Variants in GNG2 observed in about 807,000 individuals in gnomAD.
The protein encoded by GNG2 is guanine nucleotide-binding protein G(I)/G(S)/G(O) subunit gamma-2.
GNG2 carries 5 observed loss-of-function variants against 5.5 expected under a neutral mutation model. The ratio of observed to expected loss-of-function variants is 0.91; its 90% CI spans 0.48 to 1.92. The LOEUF is 1.92. Ranked by LOEUF, GNG2 falls within the 30% of genes most tolerant of loss-of-function variation. GNG2 has a pLI of 0.01. For missense variants in GNG2, 55 were observed against 88.4 expected (o/e 0.62, Z 1.52); for synonymous variants, 28 against 32.0 (o/e 0.88, Z 0.42).
At chr14:51,894,354 T>C (rs1463002318) in intron 2 of GNG2, among the ~76,000 whole-genome samples, 2 of 151,274 alleles carry the variant, frequency 1.3e-5, no homozygotes, top group Non-Finnish European at 3.0e-5. Flanking sequence ...TAGCTTCTCT[T>C]TTCTTAATGC....
chr14:51,857,162 A>T (rs1882201732), upstream of GNG2, among the ~76,000 whole-genome samples: 1 of 152,234 alleles, frequency 6.6e-6, no homozygotes, highest in Admixed American at 6.5e-5. Flanking sequence ...AGTAGAGGCA[A>T]GGCACCAGTC....
chr14:51,960,594 T>G (rs889212569), intron 3 of GNG2, among the ~76,000 whole-genome samples: 22 of 152,360 alleles, frequency 1.4e-4, no homozygotes, highest in African/African-American at 4.3e-4. Context: ...ATATTAACAA[T>G]TGTTAAAATA....
At position 51,907,990 on chromosome 14, in the gene GNG2, T is replaced by C. The variant is rs1886036393; in HGVS notation, c.-30+30333T>C. 3.3e-5 allele frequency among the ~76,000 whole-genome samples: 5 copies of C among 152,362 alleles called. No individual in the cohort carries two copies. The South Asian group carries it at 1.0e-3, about 32-fold the overall frequency. ...TAGTTATCTATAGCTACTTAACACATTAACCCAAACTTAATGTCTTAAAAC... is the reference window on the plus strand; with the variant it reads ...TAGTTATCTATAGCTACTTAACACACTAACCCAAACTTAATGTCTTAAAAC... On this transcript the variant is annotated intron_variant, in intron 2 of 3. Transcript: ENST00000556766.
intron 3 of GNG2, among the ~76,000 whole-genome samples, chr14:51,957,011 A>C (rs1253637): frequency 5.1e-3 from 747 of 146,328 alleles, no homozygotes; most frequent in African/African-American, 0.013. Flanking sequence ...CACCTGCCCC[A>C]CCCCGCCACC....
intron 2 of GNG2, among the ~76,000 whole-genome samples, chr14:51,903,441 ATTATAT>A (rs992917489): frequency 6.6e-6 from 1 of 152,196 alleles, no homozygotes; most frequent in Non-Finnish European, 1.5e-5. Flanking sequence ...ACAAGAATTG[ATTATAT>A]TTAATATGTG....
intron 2 of GNG2, among the ~76,000 whole-genome samples, chr14:51,922,424 T>C (rs1887069368): frequency 6.6e-6 from 1 of 152,180 alleles, no homozygotes; most frequent in African/African-American, 2.4e-5. Context: ...TTGCTATGGA[T>C]GACTCCCTCT....
chr14:51,875,939 A>ATTTTTTTTTTTTTT (rs745510243), intron 1 of GNG2, among the ~76,000 whole-genome samples: 3 of 83,588 alleles, frequency 3.6e-5, no homozygotes, highest in Non-Finnish European at 7.2e-5. Context: ...TCATTTAAAC[A>ATTTTTTTTTTTTTT]TTTTTTTCTT....
chr14:51,932,271 A>AAAAGG, intron 2 of GNG2, among the ~76,000 whole-genome samples: 1 of 96,340 alleles, frequency 1.0e-5, no homozygotes, highest in Non-Finnish European at 2.0e-5. Context: ...AAAAAAAAAA[A>AAAAGG]AGAAAAGAAA....
chr14:51,870,839 A>C (rs1470355927), intron 1 of GNG2, among the ~76,000 whole-genome samples: 1 of 152,224 alleles, frequency 6.6e-6, no homozygotes, highest in Non-Finnish European at 1.5e-5. Flanking sequence ...GGGAAATTTC[A>C]GTGGAATTGC....
chr14:51,958,913 A>G (rs1475927840), intron 3 of GNG2, among the ~76,000 whole-genome samples: 2 of 152,120 alleles, frequency 1.3e-5, no homozygotes, highest in Non-Finnish European at 2.9e-5. Context: ...CCACCATTCC[A>G]CTGAAGCTTC....
chr14:51,896,838 G>A (rs987165616), intron 2 of GNG2, among the ~76,000 whole-genome samples: 6 of 152,006 alleles, frequency 3.9e-5, no homozygotes, highest in African/African-American at 7.3e-5. Context: ...TAAACAAAAA[G>A]TCATACACTA....
At chr14:51,850,213 C>T (rs1337268091) in intron 2 of GNG2, among the ~76,000 whole-genome samples, 4 of 151,932 alleles carry the variant, frequency 2.6e-5, no homozygotes, top group African/African-American at 7.2e-5. Flanking sequence ...TTGTTTTTTG[C>T]ACTCCCACCC....
intron 2 of GNG2, among the ~76,000 whole-genome samples, chr14:51,853,898 C>CT (rs368774686): frequency 0.017 from 2,439 of 141,980 alleles, 109 homozygotes; most frequent in East Asian, 0.14. Context: ...TTTTTTTTTT[C>CT]TTTTTTTTTT....
intron 2 of GNG2, among the ~76,000 whole-genome samples, chr14:51,940,831 AG>A (rs1487029860): frequency 6.6e-6 from 1 of 151,708 alleles, no homozygotes; most frequent in East Asian, 2.0e-4. Context: ...CAATAGAAAA[AG>A]GTGCCTGACA....
intron 2 of GNG2, among the ~76,000 whole-genome samples, chr14:51,914,924 A>G (rs536875719): frequency 7.9e-5 from 12 of 152,360 alleles, no homozygotes; most frequent in African/African-American, 2.9e-4. Flanking sequence ...ATGCCCTGCC[A>G]TCATGCCTTT....
chr14:51,910,517 C>A (rs1452381993), intron 2 of GNG2, among the ~76,000 whole-genome samples: 1 of 152,216 alleles, frequency 6.6e-6, no homozygotes, highest in African/African-American at 2.4e-5. Context: ...AGCCACTGGG[C>A]AGGAAGCGAG....
intron 2 of GNG2, among the ~76,000 whole-genome samples, chr14:51,836,951 G>C (rs10142795): frequency 6.7e-6 from 1 of 148,794 alleles, no homozygotes; most frequent in African/African-American, 2.5e-5. Context: ...TCTGCCTCCC[G>C]GGTTCAAGCG....
At chr14:51,917,910 C>T (rs1886747084) in intron 2 of GNG2, among the ~76,000 whole-genome samples, 1 of 151,904 alleles carries the variant, frequency 6.6e-6, no homozygotes, top group African/African-American at 2.4e-5. Flanking sequence ...CCTGTAGTCC[C>T]AGCTACTCGG....
chr14:51,923,242 G>C (rs749101543), intron 2 of GNG2, among the ~76,000 whole-genome samples: 1 of 152,168 alleles, frequency 6.6e-6, no homozygotes, highest in Non-Finnish European at 1.5e-5. Context: ...TGCCCAGAGT[G>C]AGAGGGAGCA....
Sources: gnomAD v4.1 joint callset for allele counts (sites outside exome capture counted in the v4.1 genomes callset) on GRCh38, gnomAD v4.1.1 for gene constraint, MANE v1.5 for transcripts, NCBI Gene and HGNC (gene_info 2026-07-23, HGNC 2026-07-21) for gene names.